Variants in ANGPT2 observed in about 807,000 individuals in gnomAD.
The protein encoded by ANGPT2 is angiopoietin 2.
A neutral mutation model predicts 62.9 loss-of-function variants in ANGPT2; 28 were observed. The observed-to-expected ratio is 0.44, with a 90% CI of 0.33 to 0.61. The LOEUF is 0.61. Among genes scored for constraint, ANGPT2 ranks in the 20% least tolerant of loss-of-function variants. The pLI is 0.03. For missense variants in ANGPT2, 727 were observed against 594.9 expected (o/e 1.22, Z -2.31); for synonymous variants, 284 against 207.8 (o/e 1.37, Z -3.15).
At chr8:6,555,087 G>C (rs3020229) in intron 1 of ANGPT2, among the ~76,000 whole-genome samples, 1 of 151,838 alleles carries the variant, frequency 6.6e-6, no homozygotes, top group Non-Finnish European at 1.5e-5. Context: ...GTTCATACTG[G>C]TATTCTAAAC....
chr8:6,503,399 A>T (rs1812592877), intron 8 of ANGPT2, 138 bp from the exon 9 acceptor site: 1 of 796,724 alleles, frequency 1.3e-6, no homozygotes, highest in Non-Finnish European at 2.0e-6. Context: ...TGAGTATAGG[A>T]TGTGCACTGG....
chr8:6,552,498 A>T (rs1823828086), intron 1 of ANGPT2, among the ~76,000 whole-genome samples: 1 of 152,236 alleles, frequency 6.6e-6, no homozygotes, highest in African/African-American at 2.4e-5. Context: ...GAGGTATAGA[A>T]GTTAGAACAT....
intron 1 of ANGPT2, among the ~76,000 whole-genome samples, chr8:6,551,588 A>G (rs564793132): frequency 1.3e-5 from 2 of 152,304 alleles, no homozygotes; most frequent in African/African-American, 4.8e-5. Context: ...TTTTTGTCCC[A>G]GTCATCAACA....
intron 6 of ANGPT2, 83 bp from the exon 7 acceptor site, chr8:6,513,927 T>A (rs58784829): frequency 7.9e-7 from 1 of 1,264,596 alleles, no homozygotes; most frequent in East Asian, 2.4e-5. Flanking sequence ...CAACTTAACA[T>A]AGAATAACTA....
At chr8:6,555,044 C>T (rs903106650) in intron 1 of ANGPT2, among the ~76,000 whole-genome samples, 2 of 152,056 alleles carry the variant, frequency 1.3e-5, no homozygotes, top group African/African-American at 2.4e-5. Context: ...TTTTAAACCA[C>T]ACATAAAACA....
chr8:6,534,522 G>A (rs1341491421), intron 1 of ANGPT2, among the ~76,000 whole-genome samples: 2 of 152,114 alleles, frequency 1.3e-5, no homozygotes, highest in Admixed American at 1.3e-4. Flanking sequence ...ACCCGCCTCA[G>A]CCCCCCAAAG....
Position 6,539,045 on chromosome 8 carries a change from G to A in ANGPT2, c.289-6558C>T, listed in dbSNP as rs950498898. ...GAGTTGGGCTTGTGTGTGTGTGTGT[G>A]TGTGTTTATTCTGGAGATTTTGCTG... On this transcript the variant is annotated intron_variant, in intron 1 of 8. Coordinates refer to ENST00000629816, the MANE Select transcript of ANGPT2 (RefSeq NM_001118887.2). 2.6e-5 allele frequency among the ~76,000 whole-genome samples: 4 copies of A among 152,222 alleles called. No individual in the cohort carries two copies. The East Asian group carries it at 7.7e-4, about 29-fold the overall frequency.
At chr8:6,507,749 A>G (rs1213426862) in intron 8 of ANGPT2, 4 of 151,708 alleles carry the variant, frequency 2.6e-5, no homozygotes, top group Non-Finnish European at 5.9e-5. Flanking sequence ...TGCCCAGGTA[A>G]TTTTTGTATT....
At chr8:6,539,192 G>GGGTA (rs937530190) in intron 1 of ANGPT2, among the ~76,000 whole-genome samples, 17 of 152,218 alleles carry the variant, frequency 1.1e-4, no homozygotes, top group African/African-American at 4.1e-4. Flanking sequence ...AGAGCCTGGG[G>GGGTA]GGTAGGCACA....
At chr8:6,525,564 T>C (rs1028955541) in intron 3 of ANGPT2, among the ~76,000 whole-genome samples, 1 of 152,202 alleles carries the variant, frequency 6.6e-6, no homozygotes, top group African/African-American at 2.4e-5. Flanking sequence ...ATTGCACTTT[T>C]GGGGAATTAT....
chr8:6,537,146 A>G (rs531919431), intron 1 of ANGPT2, among the ~76,000 whole-genome samples: 6 of 152,042 alleles, frequency 3.9e-5, no homozygotes, highest in Non-Finnish European at 8.8e-5. Context: ...GCTCTTTCCA[A>G]TTTCACATGC....
chr8:6,548,343 A>G (rs1407194115), intron 1 of ANGPT2, among the ~76,000 whole-genome samples: 3 of 152,178 alleles, frequency 2.0e-5, no homozygotes, highest in East Asian at 1.9e-4. Context: ...TGCCACTTAG[A>G]TGCCTTTCAT....
intron 1 of ANGPT2, among the ~76,000 whole-genome samples, chr8:6,541,494 G>T (rs1388762350): frequency 6.6e-6 from 1 of 152,170 alleles, no homozygotes; most frequent in Admixed American, 6.5e-5. Context: ...GGAAACCAAA[G>T]CCAGGGTTGT....
intron 6 of ANGPT2, among the ~76,000 whole-genome samples, chr8:6,514,378 C>G (rs1051371879): frequency 6.6e-6 from 1 of 152,120 alleles, no homozygotes; most frequent in African/African-American, 2.4e-5. Flanking sequence ...TTAGTAGATA[C>G]AGAGTTTTGT....
At chr8:6,533,247 A>T (rs947165398) in intron 1 of ANGPT2, among the ~76,000 whole-genome samples, 1 of 152,238 alleles carries the variant, frequency 6.6e-6, no homozygotes, top group Admixed American at 6.5e-5. Flanking sequence ...TTTTAGCATT[A>T]ACTGAAACAC....
At chr8:6,537,107 T>C (rs150260314) in intron 1 of ANGPT2, among the ~76,000 whole-genome samples, 9 of 152,092 alleles carry the variant, frequency 5.9e-5, no homozygotes, top group East Asian at 5.8e-4. Flanking sequence ...AGTTCCAAGA[T>C]ACTTGAACCT....
At chr8:6,514,804 G>T in intron 5 of ANGPT2, 26 bp from the exon 6 acceptor site, 1 of 1,600,490 alleles carries the variant, frequency 6.2e-7, no homozygotes, top group Non-Finnish European at 8.6e-7. Context: ...CAGGGTATAA[G>T]TGACAGAGCC....
At chr8:6,543,573 A>G (rs1821995515) in intron 1 of ANGPT2, among the ~76,000 whole-genome samples, 1 of 152,208 alleles carries the variant, frequency 6.6e-6, no homozygotes, top group African/African-American at 2.4e-5. Context: ...GTATAAGGCC[A>G]GGGGATTTTC....
At chr8:6,550,451 A>G (rs909490550) in intron 1 of ANGPT2, among the ~76,000 whole-genome samples, 2 of 152,182 alleles carry the variant, frequency 1.3e-5, no homozygotes, top group African/African-American at 4.8e-5. Context: ...ACCACTCAGC[A>G]TCCAGCGCGT....
Sources: allele counts gnomAD v4.1 joint callset (sites outside exome capture counted in the v4.1 genomes callset), GRCh38; gene constraint gnomAD v4.1.1; transcripts MANE v1.5; gene names NCBI Gene and HGNC (gene_info 2026-07-23, HGNC 2026-07-21).